CTBP1: variants seen among roughly 807,000 people sequenced by gnomAD.
CTBP1 encodes the protein C-terminal binding protein 1.
CTBP1 carries 11 observed loss-of-function variants against 42.1 expected under a neutral mutation model. That is an observed-to-expected ratio of 0.26 (90% confidence interval 0.16 to 0.43). The LOEUF (loss-of-function observed/expected upper bound fraction) is 0.43, where lower values mean the gene tolerates loss of function less well. CTBP1 is among the 20% of genes least tolerant of loss of function. The pLI, the probability that CTBP1 is intolerant of heterozygous loss-of-function variation, is 1.00. For missense variants in CTBP1, 399 were observed against 624.3 expected, an observed-to-expected ratio of 0.64 and a Z score of 3.85; for synonymous variants, 324 against 277.1, an observed-to-expected ratio of 1.17 and a Z score of -1.68.
At chr4:1,249,787 C>T (rs1010352860), upstream of CTBP1, 19 of 253,156 alleles carry the variant, frequency 7.5e-5, no homozygotes, top group African/African-American at 3.8e-4. Flanking sequence ...AGAACCCCTT[C>T]CCCGACCCCA....
At chr4:1,242,574 G>A (rs1732290000) in intron 1 of CTBP1, 1 of 985,310 alleles carries the variant, frequency 1.0e-6, no homozygotes, top group East Asian at 1.1e-4. Context: ...AGCTTCCAGA[G>A]ACACCATCAC....
intron 5 of CTBP1, among the ~76,000 whole-genome samples, chr4:1,220,762 G>A (rs372185087): frequency 1.3e-5 from 2 of 152,264 alleles, no homozygotes; most frequent in African/African-American, 2.4e-5. Context: ...TCGGCGCATC[G>A]TGCCGCAGCG....
intron 1 of CTBP1, chr4:1,242,122 T>A: frequency 1.0e-6 from 1 of 985,366 alleles, no homozygotes; most frequent in Non-Finnish European, 1.2e-6. Flanking sequence ...ACTGCTCAGC[T>A]CTTCCTGACC....
intron 5 of CTBP1, among the ~76,000 whole-genome samples, chr4:1,223,925 G>C (rs535044466): frequency 1.3e-5 from 2 of 152,376 alleles, no homozygotes; most frequent in South Asian, 4.1e-4. Context: ...ACAGTGCTGG[G>C]CCCAGGATAG....
chr4:1,236,436 A>G, intron 3 of CTBP1: 1 of 565,390 alleles, frequency 1.8e-6, no homozygotes, highest in Non-Finnish European at 3.2e-6. Flanking sequence ...GGCCGGGGGA[A>G]GCACCTTACT....
chr4:1,213,805 G>A (rs1361883516), intron 7 of CTBP1, 200 bp from the exon 8 acceptor site: 14 of 617,222 alleles, frequency 2.3e-5, no homozygotes, highest in Non-Finnish European at 3.2e-5. Flanking sequence ...TCCTGACAGC[G>A]GCGGGTGTGG....
At position 1,228,487 on chromosome 4, in the gene CTBP1, C is replaced by A. The variant is rs542820551; in HGVS notation, c.163-144G>T. The A allele has an allele frequency of 9.5e-5, 100 of 1,055,306 alleles. No individual in the cohort carries two copies. In the East Asian group the frequency reaches 1.9e-3, roughly 20 times the overall value. The allele number at this position is 1,055,306 out of a possible 1,614,324, so 65.4% of individuals were successfully genotyped here. A position where few individuals can be genotyped will look rare whatever the true frequency, so the allele number is the denominator to read the frequency against. On this transcript the variant is annotated intron_variant, in intron 3 of 9. Transcript: ENST00000382952. ...GCACCAGCCCGGACACTGGGAGAGG[C>A]TACATGAAGGCTTCCCCGCCACGCG...
chr4:1,227,525 G>A (rs944053854), intron 4 of CTBP1, among the ~76,000 whole-genome samples: 1 of 149,312 alleles, frequency 6.7e-6, no homozygotes, highest in South Asian at 2.1e-4. Flanking sequence ...CGTGTTCCAT[G>A]TGCTGAGTGC....
At chr4:1,241,303 G>A (rs200381328) in intron 2 of CTBP1, 22 bp downstream of exon 2, 23 of 810,138 alleles carry the variant, frequency 2.8e-5, no homozygotes, top group South Asian at 5.3e-5. Flanking sequence ...CTCTGCCGCC[G>A]ACGCCAGGAA....
chr4:1,212,363 G>T lies in CTBP1; in HGVS notation c.1167C>A (p.Ile389=). ...PTGIPAAVEG[I]VPSAMSLSHG... is the part of the protein sequence containing the mutation. Reference sequence around the variant, plus strand: ...GGGACAGGGACATGGCGCTGGGGACGATACCTTCCACAGCAGCTGGGATGC... The same window carrying T: ...GGGACAGGGACATGGCGCTGGGGACTATACCTTCCACAGCAGCTGGGATGC... The change falls in exon 10 of 10, where the codon ATC becomes ATA. Residue 389 remains isoleucine, a synonymous_variant. Coordinates refer to ENST00000382952, the MANE Select transcript of CTBP1 (RefSeq NM_001012614.2). The T allele has an allele frequency of 6.6e-7, 1 of 1,506,910 alleles. No homozygotes were observed. The highest frequency in any genetic ancestry group is 1.3e-5 in the South Asian group (1 of 77,880). The allele number at this position is 1,506,910 out of a possible 1,614,324, so 93.3% of individuals were successfully genotyped here.
At position 1,229,845 on chromosome 4, in the gene CTBP1, C is replaced by A. The variant is rs528988962; in HGVS notation, c.163-1502G>T. On this transcript the variant is annotated intron_variant, in intron 3 of 9. Coordinates refer to ENST00000382952, the MANE Select transcript of CTBP1 (RefSeq NM_001012614.2). ...ACAGCCTCCCTTCCCTCCTGCCCAC[C>A]GCAGGGGACCTAGAGGAGAGGACCA... is the stretch of plus-strand genomic sequence containing the variant. 2.0e-5 allele frequency among the ~76,000 whole-genome samples: 3 copies of A among 152,312 alleles called. No homozygotes were observed. In the East Asian group the frequency reaches 5.8e-4, roughly 29 times the overall value.
chr4:1,218,829 A>G (rs1729429184), intron 5 of CTBP1, among the ~76,000 whole-genome samples: 1 of 152,190 alleles, frequency 6.6e-6, no homozygotes, highest in African/African-American at 2.4e-5. Context: ...AGATGCAAGG[A>G]ATCATTTAAC....
chr4:1,225,389 C>T lies in CTBP1; in HGVS notation c.485G>A (p.Arg162His), dbSNP rs1385358459. The T allele has an allele frequency of 5.7e-6, 9 of 1,566,624 alleles. No individual in the cohort carries two copies. Among genetic ancestry groups the T allele is most frequent in the Middle Eastern group, 1.7e-4 (1 of 5,766 alleles). ...TCCGATGATGCCCAAGGTCTCCCCG[C>T]GGATCCTGGCAGCGCCGGACGCCAC... ...REVASGAARI[R>H]GETLGIIGLG... is the part of the protein sequence containing the mutation. Residue 162 changes from arginine to histidine, a missense_variant, in exon 5 of 10, where the codon CGC (arginine) becomes CAC (histidine). Coordinates refer to ENST00000382952, the MANE Select transcript of CTBP1 (RefSeq NM_001012614.2).
chr4:1,216,287 C>G, intron 5 of CTBP1, 82 bp from the exon 6 acceptor site: 2 of 1,355,960 alleles, frequency 1.5e-6, no homozygotes, highest in South Asian at 1.4e-5. Context: ...TCGGAGTGGC[C>G]TCTGTGCCTC....
chr4:1,249,698 C>G (rs937579863), upstream of CTBP1: 1 of 413,076 alleles, frequency 2.4e-6, no homozygotes, highest in South Asian at 1.7e-5. Context: ...AGCGCGCCTG[C>G]CCCAGTGCGT....
intron 6 of CTBP1, among the ~76,000 whole-genome samples, chr4:1,214,974 G>A (rs1728952360): frequency 6.6e-6 from 1 of 152,260 alleles, no homozygotes; most frequent in African/African-American, 2.4e-5. Context: ...TTTGCAAAAA[G>A]CCCTGCGGGT....
chr4:1,240,563 C>T (rs1264569623), intron 2 of CTBP1, among the ~76,000 whole-genome samples: 3 of 21,574 alleles, frequency 1.4e-4, no homozygotes, highest in Admixed American at 4.3e-4. Flanking sequence ...GTCGGAACCG[C>T]GTGGGGGACT....
intron 4 of CTBP1, among the ~76,000 whole-genome samples, chr4:1,226,631 G>T (rs1182681670): frequency 6.6e-6 from 1 of 150,828 alleles, no homozygotes; most frequent in East Asian, 2.0e-4. Context: ...CCTGGCTGAA[G>T]AACAGAGCCC....
intron 3 of CTBP1, among the ~76,000 whole-genome samples, chr4:1,230,207 G>T (rs986543276): frequency 6.6e-6 from 1 of 151,900 alleles, no homozygotes; most frequent in Non-Finnish European, 1.5e-5. Flanking sequence ...TTGACCAGAC[G>T]TAGTGTGGAC....
Sources: gnomAD v4.1 joint callset for allele counts (sites outside exome capture counted in the v4.1 genomes callset) on GRCh38, gnomAD v4.1.1 for gene constraint, MANE v1.5 for transcripts, NCBI Gene and HGNC (gene_info 2026-07-23, HGNC 2026-07-21) for gene names.